Variants in CHRNA7 observed in about 807,000 individuals in gnomAD.
CHRNA7 encodes cholinergic receptor nicotinic alpha 7 subunit.
A neutral mutation model predicts 48.0 loss-of-function variants in CHRNA7; 17 were observed. The observed-to-expected ratio is 0.35, with a 90% CI of 0.24 to 0.53. CHRNA7 has a LOEUF of 0.53. CHRNA7 is among the 20% of genes least tolerant of loss of function. The probability of loss-of-function intolerance (pLI) is 0.92; values close to 1 mark genes in which losing one functional copy is unlikely to be tolerated. For synonymous variants in CHRNA7, 75 were observed against 242.3 expected, an observed-to-expected ratio of 0.31 and a Z score of 6.41; for missense variants, 155 against 577.7, an observed-to-expected ratio of 0.27 and a Z score of 7.50.
At chr15:32,086,785 T>A (rs1273444397) in intron 2 of CHRNA7, among the ~76,000 whole-genome samples, 2 of 152,174 alleles carry the variant, frequency 1.3e-5, no homozygotes, top group Admixed American at 1.3e-4. Flanking sequence ...TCATTGGGAT[T>A]TGTTGGATGT....
intron 4 of CHRNA7, among the ~76,000 whole-genome samples, chr15:32,123,039 C>T (rs896767137): frequency 1.9e-4 from 29 of 152,214 alleles, no homozygotes; most frequent in Middle Eastern, 3.4e-3. Context: ...TGTAAAGACT[C>T]AAGTCTGAAA....
At chr15:32,031,470 G>T (rs539756978) in intron 2 of CHRNA7, among the ~76,000 whole-genome samples, 2 of 152,310 alleles carry the variant, frequency 1.3e-5, no homozygotes, top group African/African-American at 4.8e-5. Context: ...AACTTCTTTG[G>T]TGGGGGCCTG....
rs983032502 is a variant in CHRNA7 at position 32,149,580 on chromosome 15, T to C, written c.351-4327T>C. 9.2e-5 allele frequency among the ~76,000 whole-genome samples: 14 copies of C among 152,372 alleles called. No homozygotes were observed. Among genetic ancestry groups the C allele is most frequent in the East Asian group, 3.9e-4 (2 of 5,190 alleles). Reference sequence around the variant, plus strand: ...CAAATCCATTACAAGAGTTTACTTTTATACTATGTACTTATAAAATCAATT... The same window carrying C: ...CAAATCCATTACAAGAGTTTACTTTCATACTATGTACTTATAAAATCAATT... On this transcript the variant is annotated intron_variant, in intron 4 of 9. Coordinates refer to ENST00000306901, the MANE Select transcript of CHRNA7 (RefSeq NM_000746.6). The surrounding 1 kb of genome is among the most constrained non-coding windows in gnomAD (Gnocchi z 4.6).
At chr15:32,130,436 T>G (rs1287379731) in intron 4 of CHRNA7, among the ~76,000 whole-genome samples, 1 of 151,648 alleles carries the variant, frequency 6.6e-6, no homozygotes, top group Admixed American at 6.6e-5. Context: ...TATATCTATC[T>G]TTCATAATTT....
At chr15:32,097,289 C>A (rs2050487118) in intron 2 of CHRNA7, among the ~76,000 whole-genome samples, 1 of 152,152 alleles carries the variant, frequency 6.6e-6, no homozygotes, top group Non-Finnish European at 1.5e-5. Context: ...ATTGCTGAAA[C>A]CCACTTTCAC....
chr15:32,137,042 A>AAAATAAAAAT (rs1566865809), intron 4 of CHRNA7, among the ~76,000 whole-genome samples: 22 of 148,566 alleles, frequency 1.5e-4, no homozygotes, highest in African/African-American at 5.2e-4. Flanking sequence ...AAAAAAAAAA[A>AAAATAAAAAT]AAAAGAAAAA....
chr15:32,039,555 T>C (rs575737121), intron 2 of CHRNA7, among the ~76,000 whole-genome samples: 2 of 152,278 alleles, frequency 1.3e-5, no homozygotes, highest in East Asian at 1.9e-4. Flanking sequence ...TCTCCACGTA[T>C]TTTTGGATTT....
intron 4 of CHRNA7, among the ~76,000 whole-genome samples, chr15:32,137,107 A>C (rs2051282910): frequency 6.6e-6 from 1 of 151,914 alleles, no homozygotes; most frequent in Non-Finnish European, 1.5e-5. Context: ...AGTCAAAAGC[A>C]TAACATTAGA....
chr15:32,047,432 A>G (rs930271107), intron 2 of CHRNA7, among the ~76,000 whole-genome samples: 1 of 152,042 alleles, frequency 6.6e-6, no homozygotes, highest in African/African-American at 2.4e-5. Flanking sequence ...TCTTTGAAGC[A>G]ATTGCGAATG....
chr15:32,035,279 T>C (rs116928525), intron 2 of CHRNA7, among the ~76,000 whole-genome samples: 248 of 152,320 alleles, frequency 1.6e-3, no homozygotes, highest in Middle Eastern at 3.4e-3. Flanking sequence ...TTGTGCTGTT[T>C]AGTCAGTCAC....
intron 2 of CHRNA7, among the ~76,000 whole-genome samples, chr15:32,051,603 G>A (rs1405561256): frequency 2.0e-5 from 3 of 152,014 alleles, no homozygotes; most frequent in Non-Finnish European, 4.4e-5. Flanking sequence ...TGCACTTCCC[G>A]AGTGAGGCAA....
intron 2 of CHRNA7, among the ~76,000 whole-genome samples, chr15:32,051,593 T>C (rs1364887621): frequency 6.6e-6 from 1 of 152,132 alleles, no homozygotes; most frequent in African/African-American, 2.4e-5. Context: ...CCTGACCCCT[T>C]GCACTTCCCG....
At chr15:32,079,051 C>T (rs1200638799) in intron 2 of CHRNA7, among the ~76,000 whole-genome samples, 1 of 152,080 alleles carries the variant, frequency 6.6e-6, no homozygotes, top group Non-Finnish European at 1.5e-5. Context: ...AGACAAAAGC[C>T]ACTTCATTAT....
chr15:32,032,277 T>C (rs144376169), intron 2 of CHRNA7, among the ~76,000 whole-genome samples: 163 of 152,224 alleles, frequency 1.1e-3, no homozygotes, highest in African/African-American at 3.5e-3. Context: ...TTCAGTCTCA[T>C]GTGTTGCAGA....
intron 2 of CHRNA7, among the ~76,000 whole-genome samples, chr15:32,072,191 CAT>C (rs2050068821): frequency 6.6e-6 from 1 of 152,178 alleles, no homozygotes; most frequent in Non-Finnish European, 1.5e-5. Context: ...GCATTGTATT[CAT>C]GTTCTAGGGA....
chr15:32,114,789 G>A lies in CHRNA7; in HGVS notation c.350+2890G>A, dbSNP rs553607363. On this transcript the variant is annotated intron_variant, in intron 4 of 9. Transcript: ENST00000306901. ...AACAACTCAGATTATTCCTCATGAT[G>A]CCGTGGGCTGTCCAGGCCCATGTGG... Among the ~76,000 whole-genome samples, 4 of 152,338 alleles carry A rather than the reference G, an allele frequency of 2.6e-5. No homozygotes were observed. The South Asian group carries it at 6.2e-4, about 24-fold the overall frequency.
chr15:32,114,707 A>G (rs2050838507), intron 4 of CHRNA7, among the ~76,000 whole-genome samples: 1 of 152,248 alleles, frequency 6.6e-6, no homozygotes, highest in Non-Finnish European at 1.5e-5. Context: ...TAAACCACTC[A>G]TAGACACTTA....
At chr15:32,118,969 T>C (rs1289630157) in intron 4 of CHRNA7, among the ~76,000 whole-genome samples, 6 of 145,860 alleles carry the variant, frequency 4.1e-5, no homozygotes, top group Non-Finnish European at 7.5e-5. Flanking sequence ...TCAAGAAGGC[T>C]TGTGAAAGAC....
chr15:32,134,192 T>G (rs1366725044), intron 4 of CHRNA7, among the ~76,000 whole-genome samples: 1 of 151,908 alleles, frequency 6.6e-6, no homozygotes, highest in East Asian at 1.9e-4. Context: ...TGAGTCTGGC[T>G]CTGTCTCCCA....
Sources: allele counts gnomAD v4.1 joint callset (sites outside exome capture counted in the v4.1 genomes callset), GRCh38; gene constraint gnomAD v4.1.1; non-coding constraint Gnocchi (gnomAD v3.1); transcripts MANE v1.5; gene names NCBI Gene and HGNC (gene_info 2026-07-23, HGNC 2026-07-21).